The following CHLSN variants were observed in gnomAD, a reference collection of about 807,000 sequenced individuals.
CHLSN encodes the protein cholesin, also known as protein cholesin.
the CHLSN span, chr7:1,092,988 G>A: frequency 1.0e-5 from 9 of 860,620 alleles, no homozygotes; most frequent in Middle Eastern, 4.3e-4. Flanking sequence ...GGGGCCTCGC[G>A]AGGGTCACGC....
chr7:1,086,809 A>G, the CHLSN span: 1 of 153,514 alleles, frequency 6.5e-6, no homozygotes, highest in Non-Finnish European at 1.5e-5. Flanking sequence ...CAGCAGCCGC[A>G]TTACTCATAC....
At chr7:985,335 C>T in the CHLSN span, 1 of 1,547,918 alleles carries the variant, frequency 6.5e-7, no homozygotes. Flanking sequence ...TGAGGAGCTG[C>T]CTCCCATCCT....
At chr7:1,100,589 C>G in the CHLSN span, among the ~76,000 whole-genome samples, 1 of 152,186 alleles carries the variant, frequency 6.6e-6, no homozygotes, top group Non-Finnish European at 1.5e-5. Context: ...GGCCTTTGCT[C>G]CAGACATGAC....
At chr7:1,017,511 C>T in the CHLSN span, among the ~76,000 whole-genome samples, 13 of 152,212 alleles carry the variant, frequency 8.5e-5, no homozygotes, top group African/African-American at 3.1e-4. Context: ...AGTGTCGCTG[C>T]CATCGGGCCC....
the CHLSN span, among the ~76,000 whole-genome samples, chr7:1,135,960 T>TATATATAAGTATATATAAATATATATAA: frequency 1.7e-5 from 2 of 116,958 alleles, no homozygotes; most frequent in East Asian, 2.4e-4. Context: ...TATATATAAA[T>TATATATAAGTATATATAAATATATATAA]ATATATAAGT....
the CHLSN span, chr7:997,498 G>T: frequency 2.6e-6 from 2 of 769,732 alleles, no homozygotes; most frequent in Non-Finnish European, 3.9e-6. Flanking sequence ...ACCACCGGAG[G>T]AGCTGAAAGC....
At chr7:1,033,316 C>CAA in the CHLSN span, among the ~76,000 whole-genome samples, 1 of 152,126 alleles carries the variant, frequency 6.6e-6, no homozygotes, top group Admixed American at 6.6e-5. Context: ...CCAGCACTTT[C>CAA]GGAGGCTGAG....
At chr7:1,022,119 G>A in the CHLSN span, among the ~76,000 whole-genome samples, 46 of 152,350 alleles carry the variant, frequency 3.0e-4, no homozygotes, top group East Asian at 5.8e-4. Context: ...GAGTCTGCTC[G>A]CAGACCACCA....
At chr7:1,093,577 C>T in the CHLSN span, 9 of 471,050 alleles carry the variant, frequency 1.9e-5, no homozygotes, top group Non-Finnish European at 2.6e-5. Context: ...TGCTTGTTGA[C>T]ATCAACATGG....
At chr7:1,036,744 T>A in the CHLSN span, among the ~76,000 whole-genome samples, 1 of 121,494 alleles carries the variant, frequency 8.2e-6, no homozygotes, top group Non-Finnish European at 2.1e-5. Context: ...AGGATCGGGG[T>A]GGGGAGACCA....
chr7:1,029,899 T>C, the CHLSN span, among the ~76,000 whole-genome samples: 2 of 152,014 alleles, frequency 1.3e-5, no homozygotes, highest in Non-Finnish European at 2.9e-5. Flanking sequence ...CAGGCAAGGG[T>C]GGACTGGAGG....
the CHLSN span, among the ~76,000 whole-genome samples, chr7:1,110,368 G>C: frequency 6.6e-6 from 1 of 152,218 alleles, no homozygotes; most frequent in African/African-American, 2.4e-5. Context: ...GGCTCCGAGA[G>C]GAAAAGCCAG....
the CHLSN span, chr7:1,009,831 C>G: frequency 2.2e-6 from 2 of 903,270 alleles, no homozygotes; most frequent in Non-Finnish European, 3.2e-6. Flanking sequence ...GGCATGAACG[C>G]TCATACCTCA....
At chr7:1,060,258 A>C in the CHLSN span, among the ~76,000 whole-genome samples, 1 of 152,154 alleles carries the variant, frequency 6.6e-6, no homozygotes, top group Non-Finnish European at 1.5e-5. Context: ...AAAGCCCACA[A>C]AGCTCTGAAA....
At chr7:1,092,850 C>G in the CHLSN span, 1 of 1,611,764 alleles carries the variant, frequency 6.2e-7, no homozygotes, top group Non-Finnish European at 8.5e-7. Context: ...TCAGCAGTGC[C>G]GTGTAGACAG....
chr7:1,073,762 C>T, the CHLSN span, among the ~76,000 whole-genome samples: 1 of 124,932 alleles, frequency 8.0e-6, no homozygotes, highest in Non-Finnish European at 1.7e-5. Context: ...ACCCCGCTGC[C>T]GTCACTCCCC....
At chr7:1,088,584 G>A in the CHLSN span, among the ~76,000 whole-genome samples, 338 of 152,226 alleles carry the variant, frequency 2.2e-3, 2 homozygotes, top group Admixed American at 4.9e-3. This position sits in a 1 kb window ranked among gnomAD's most constrained non-coding sequence, Gnocchi z 4.5. Context: ...CCAGTATTCC[G>A]TCACGTTCTG....
At chr7:1,036,438 G>A in the CHLSN span, among the ~76,000 whole-genome samples, 3 of 125,624 alleles carry the variant, frequency 2.4e-5, no homozygotes, top group Admixed American at 2.4e-4. Context: ...GGCCGTGTAG[G>A]GTTCGGGTGC....
the CHLSN span, chr7:1,010,161 C>T: frequency 6.3e-7 from 1 of 1,597,024 alleles, no homozygotes; most frequent in East Asian, 2.2e-5. Context: ...TCAAGGAACA[C>T]ATTAGGCTTC....
Sources: gnomAD v4.1 joint callset for allele counts (sites outside exome capture counted in the v4.1 genomes callset) on GRCh38, gnomAD v4.1.1 for gene constraint, Gnocchi (gnomAD v3.1) non-coding constraint, MANE v1.5 for transcripts, NCBI Gene and HGNC (gene_info 2026-07-23, HGNC 2026-07-21) for gene names.